Variants in SLC25A29 observed in about 807,000 individuals in gnomAD.
The protein encoded by SLC25A29 is solute carrier family 25 member 29, also known as mitochondrial basic amino acids transporter.
A neutral mutation model predicts 10.0 loss-of-function variants in SLC25A29; 13 were observed. The ratio of observed to expected loss-of-function variants is 1.30; its 90% CI spans 0.85 to 2.07. SLC25A29 has a LOEUF of 2.07. Among genes scored for constraint, SLC25A29 ranks in the 30% most tolerant of loss-of-function variants. The pLI is 0.00. For missense variants in SLC25A29, 475 were observed against 447.6 expected (o/e 1.06, Z -0.55); for synonymous variants, 244 against 221.1 (o/e 1.10, Z -0.92).
At chr14:100,288,382 CAA>C (rs541814439), downstream of SLC25A29, among the ~76,000 whole-genome samples, 33 of 63,844 alleles carry the variant, frequency 5.2e-4, 2 homozygotes, top group South Asian at 4.8e-3. Flanking sequence ...AACTCTATCT[CAA>C]AAAAAAAAAA....
chr14:100,304,719 G>A (rs1458603380), intron 1 of SLC25A29, among the ~76,000 whole-genome samples: 2 of 152,218 alleles, frequency 1.3e-5, no homozygotes, highest in African/African-American at 2.4e-5. Flanking sequence ...AGGAGGCTGC[G>A]CGAGCGACGT....
intron 2 of SLC25A29, chr14:100,296,680 G>T (rs1381016667): frequency 2.0e-5 from 3 of 152,140 alleles, no homozygotes; most frequent in Non-Finnish European, 2.9e-5. Context: ...CTCACTGCAA[G>T]CTCCGCCTCC....
chr14:100,299,536 C>T, intron 1 of SLC25A29: 2 of 986,464 alleles, frequency 2.0e-6, no homozygotes, highest in Non-Finnish European at 2.4e-6. Flanking sequence ...CAGCTTGTGA[C>T]TGTGCGGTCA....
intron 2 of SLC25A29, chr14:100,298,500 T>G: frequency 2.6e-6 from 1 of 389,818 alleles, no homozygotes; most frequent in Non-Finnish European, 4.8e-6. Flanking sequence ...GAGTTTTGGT[T>G]TTTTTTGTAT....
At chr14:100,287,585 C>T (rs146468206), downstream of SLC25A29, among the ~76,000 whole-genome samples, 17 of 150,534 alleles carry the variant, frequency 1.1e-4, no homozygotes, top group African/African-American at 4.1e-4. Context: ...CTTCTTCTGC[C>T]GTTTATTCCC....
intron 1 of SLC25A29, chr14:100,299,562 G>T: frequency 1.0e-6 from 1 of 985,714 alleles, no homozygotes; most frequent in Non-Finnish European, 1.2e-6. Flanking sequence ...GGTTCTTCAG[G>T]TCCTGCCAAA....
At position 100,293,330 on chromosome 14, in the gene SLC25A29, C is replaced by G. The variant is rs760139351; in HGVS notation, c.126G>C (p.Thr42=). 1 of 1,613,462 alleles carries G rather than the reference C, an allele frequency of 6.2e-7. No individual in the cohort carries two copies. Among genetic ancestry groups the G allele is most frequent in the East Asian group, 2.2e-5 (1 of 44,880 alleles). Residue 42 remains threonine (T), a synonymous_variant, in exon 3 of 4, where the codon ACG becomes ACC. Coordinates refer to ENST00000359232, the MANE Select transcript of SLC25A29 (RefSeq NM_001039355.3). Reference sequence around the variant, plus strand: ...TGATGATGGACTTGAAGCAGTGCAACGTCCCGCGGTACTGAGGCTTCTCCA... The same window carrying G: ...TGATGATGGACTTGAAGCAGTGCAAGGTCCCGCGGTACTGAGGCTTCTCCA... ...QSVEKPQYRG[T]LHCFKSIIKQ...
the SLC25A29 span, chr14:100,281,115 C>T: frequency 6.6e-6 from 1 of 151,342 alleles, no homozygotes. Flanking sequence ...ACCCACCTCC[C>T]CCCACCCCCG....
In SLC25A29 at chr14:100,293,347, G is replaced by T. The variant is rs1396365375; in HGVS notation, c.109C>A (p.Pro37Thr). The T allele has an allele frequency of 6.2e-7, 1 of 1,613,188 alleles. No homozygotes were observed. The highest frequency in any genetic ancestry group is 2.2e-5 in the East Asian group (1 of 44,898). ...VRLQVQSVEK[P>T]QYRGTLHCFK... ...CAGTGCAACGTCCCGCGGTACTGAG[G>T]CTTCTCCACGCTCTGGACCTGAAGC... Residue 37 changes from proline (P) to threonine (T), a missense_variant, in exon 3 of 4, where the codon CCT becomes ACT. Coordinates refer to ENST00000359232, the MANE Select transcript of SLC25A29 (RefSeq NM_001039355.3).
At chr14:100,283,551 T>C in the SLC25A29 span, among the ~76,000 whole-genome samples, 246 of 143,924 alleles carry the variant, frequency 1.7e-3, 1 homozygote, top group African/African-American at 6.1e-3. Flanking sequence ...TGGCGCGCAA[T>C]CTCAGCTCAC....
intron 1 of SLC25A29, 77 bp downstream of exon 1, chr14:100,306,122 G>A: frequency 8.9e-7 from 1 of 1,117,602 alleles, no homozygotes; most frequent in Non-Finnish European, 1.2e-6. Flanking sequence ...GAAGCCGCGA[G>A]GCCAGGGCGT....
intron 1 of SLC25A29, among the ~76,000 whole-genome samples, chr14:100,302,091 G>A (rs1016786135): frequency 2.0e-5 from 3 of 151,534 alleles, no homozygotes; most frequent in African/African-American, 7.3e-5. Context: ...TGTCGCCCAG[G>A]CTGGAATGCA....
chr14:100,300,952 T>C (rs1273211304), intron 1 of SLC25A29, among the ~76,000 whole-genome samples: 1 of 151,956 alleles, frequency 6.6e-6, no homozygotes, highest in Non-Finnish European at 1.5e-5. Flanking sequence ...CAGGCTGGAG[T>C]GTAGTGTTGC....
intron 2 of SLC25A29, 93 bp downstream of exon 2, chr14:100,298,749 G>A: frequency 4.0e-6 from 6 of 1,514,086 alleles, no homozygotes; most frequent in Non-Finnish European, 5.5e-6. Flanking sequence ...CCCACCTGGG[G>A]CTGTACACGG....
At position 100,292,677 on chromosome 14, in the gene SLC25A29, T is replaced by A; in HGVS notation, c.518A>T (p.Asp173Val). ...PSFGVYFLTY[D>V]ALTRALGCEP... Reference sequence around the variant, plus strand: ...GCAGCCCAGCGCCCGCGTGAGAGCGTCATAGGTGAGGAAGTAGACGCCGAA... The same window carrying A: ...GCAGCCCAGCGCCCGCGTGAGAGCGACATAGGTGAGGAAGTAGACGCCGAA... The change falls in exon 4 of 4, where the codon GAC (aspartate) becomes GTC (valine). Residue 173 changes from aspartate to valine, a missense_variant. Coordinates refer to ENST00000359232, the MANE Select transcript of SLC25A29 (RefSeq NM_001039355.3). The A allele has an allele frequency of 6.2e-7, 1 of 1,602,292 alleles. No individual in the cohort carries two copies. The highest frequency in any genetic ancestry group is 8.5e-7 in the Non-Finnish European group (1 of 1,176,092).
At chr14:100,302,221 T>C (rs941329410) in intron 1 of SLC25A29, among the ~76,000 whole-genome samples, 5 of 152,044 alleles carry the variant, frequency 3.3e-5, no homozygotes, top group African/African-American at 1.2e-4. Flanking sequence ...AATTTTTGTA[T>C]TTTTAGTAGA....
Position 100,291,221 on chromosome 14 carries a change from G to A in SLC25A29, c.*1062C>T, listed in dbSNP as rs934419701. On this transcript the variant is annotated 3_prime_UTR_variant, in exon 4 of 4. Transcript: ENST00000359232. ...ACTGAGCACATTCCCCAGGACGCCT[G>A]GTGCAGCCCTCCTCTGCCCCAGGCC... 1.3e-5 allele frequency: 2 copies of A among 152,304 alleles called. No individual in the cohort carries two copies. The highest frequency in any genetic ancestry group is 2.9e-5 in the Non-Finnish European group (2 of 68,094). The allele number at this position is 152,304 out of a possible 1,614,324, so 9.4% of individuals were successfully genotyped here. A position where few individuals can be genotyped will look rare whatever the true frequency, so the allele number is the denominator to read the frequency against.
chr14:100,286,400 C>T (rs578108622), downstream of SLC25A29, among the ~76,000 whole-genome samples: 2 of 150,830 alleles, frequency 1.3e-5, no homozygotes, highest in South Asian at 4.2e-4. Flanking sequence ...TTTGAACTTA[C>T]TCATTCACCC....
chr14:100,306,079 C>T, intron 1 of SLC25A29, 120 bp downstream of exon 1: 1 of 674,820 alleles, frequency 1.5e-6, no homozygotes, highest in African/African-American at 1.9e-5. Context: ...AACTGTGGTC[C>T]CCATTCACAG....
Sources: allele counts gnomAD v4.1 joint callset (sites outside exome capture counted in the v4.1 genomes callset), GRCh38; gene constraint gnomAD v4.1.1; transcripts MANE v1.5; gene names NCBI Gene and HGNC (gene_info 2026-07-23, HGNC 2026-07-21).